ZFPM1: variants seen among roughly 807,000 people sequenced by gnomAD.
ZFPM1 encodes zinc finger protein ZFPM1.
A neutral mutation model predicts 46.3 loss-of-function variants in ZFPM1; 28 were observed. The ratio of observed to expected loss-of-function variants is 0.60; its 90% confidence interval spans 0.45 to 0.83. The LOEUF is 0.83. ZFPM1 is among the 40% of genes least tolerant of loss of function. ZFPM1 has a pLI of 0.00. For synonymous variants in ZFPM1, 957 were observed against 675.9 expected, an observed-to-expected ratio of 1.42 and a Z score of -6.45; for missense variants, 1,878 against 1,432.4, an observed-to-expected ratio of 1.31 and a Z score of -5.02.
At chr16:88,521,336 C>T (rs904767001) in intron 4 of ZFPM1, among the ~76,000 whole-genome samples, 2 of 151,814 alleles carry the variant, frequency 1.3e-5, no homozygotes, top group African/African-American at 4.8e-5. Context: ...TCAGGTTCTG[C>T]CATGGTGATG....
At chr16:88,532,551 T>A in intron 7 of ZFPM1, 63 bp from the exon 8 acceptor site, 1 of 1,507,906 alleles carries the variant, frequency 6.6e-7, no homozygotes, top group Admixed American at 2.0e-5. Flanking sequence ...GTCGCCTTCC[T>A]CATCCCTGGA....
chr16:88,478,335 C>G (rs1423566953), intron 1 of ZFPM1, among the ~76,000 whole-genome samples: 2 of 152,266 alleles, frequency 1.3e-5, no homozygotes, highest in East Asian at 1.9e-4. Context: ...AAGTGCTGAT[C>G]CCGAACTGAG....
At chr16:88,501,729 G>A (rs1001665400) in intron 3 of ZFPM1, among the ~76,000 whole-genome samples, 9 of 144,060 alleles carry the variant, frequency 6.2e-5, no homozygotes, top group Admixed American at 2.7e-4. Flanking sequence ...TGGAGGTAAC[G>A]GGTGTGGGTG....
At chr16:88,498,650 G>A (rs17773400) in intron 3 of ZFPM1, among the ~76,000 whole-genome samples, 20,975 of 152,208 alleles carry the variant, frequency 0.14, 1,810 homozygotes, top group South Asian at 0.29. Context: ...AACGAGGGGC[G>A]TCTGGAAACG....
intron 1 of ZFPM1, among the ~76,000 whole-genome samples, chr16:88,464,913 A>G (rs551618011): frequency 5.3e-5 from 8 of 152,236 alleles, no homozygotes; most frequent in Admixed American, 2.0e-4. Flanking sequence ...TCCGCTGCCT[A>G]TCTCGTCCAT....
intron 3 of ZFPM1, chr16:88,513,353 G>T (rs775927109): frequency 1.3e-5 from 2 of 152,290 alleles, no homozygotes; most frequent in Non-Finnish European, 2.9e-5. Context: ...GCCTCCCGGC[G>T]TATTTACATG....
At chr16:88,505,927 C>T (rs960178439) in intron 3 of ZFPM1, among the ~76,000 whole-genome samples, 2 of 152,216 alleles carry the variant, frequency 1.3e-5, no homozygotes, top group African/African-American at 2.4e-5. Context: ...GCACCCCCCG[C>T]ACCCCCAGCC....
chr16:88,485,878 C>T, intron 1 of ZFPM1, 61 bp from the exon 2 acceptor site: 1 of 1,533,410 alleles, frequency 6.5e-7, no homozygotes, highest in Non-Finnish European at 9.0e-7. Context: ...CAGGAGGGGT[C>T]AGGAGGCAGG....
chr16:88,525,717 C>G (rs1300435452), intron 4 of ZFPM1, among the ~76,000 whole-genome samples: 4 of 152,188 alleles, frequency 2.6e-5, no homozygotes, highest in African/African-American at 9.7e-5. Context: ...ACCATTTTCT[C>G]CCCTTGATGT....
rs543558510 is a variant in ZFPM1 at position 88,505,577 on chromosome 16, C to T, written c.269-8810C>T. On this transcript the variant is annotated intron_variant, in intron 3 of 9. Coordinates refer to ENST00000319555, the MANE Select transcript of ZFPM1 (RefSeq NM_153813.3). ...GGTGGGAGGGGCCGGCATCGCCCTC[C>T]GCACGACGGCTTCCTGGGGTCCTGG... is the stretch of plus-strand genomic sequence containing the variant. 3.9e-5 allele frequency among the ~76,000 whole-genome samples: 6 copies of T among 152,300 alleles called. No individual in the cohort carries two copies. In the East Asian group the frequency reaches 5.8e-4, roughly 15 times the overall value.
chr16:88,452,567 G>T (rs1037303162), upstream of ZFPM1, among the ~76,000 whole-genome samples: 1 of 152,246 alleles, frequency 6.6e-6, no homozygotes, highest in Non-Finnish European at 1.5e-5. Context: ...CCGCAGTCTG[G>T]GACGGAAGCC....
chr16:88,452,681 G>A (rs1907327644), upstream of ZFPM1, among the ~76,000 whole-genome samples: 1 of 152,278 alleles, frequency 6.6e-6, no homozygotes, highest in Non-Finnish European at 1.5e-5. Context: ...CCCCCACCGC[G>A]CACGTGGAGC....
intron 1 of ZFPM1, among the ~76,000 whole-genome samples, chr16:88,455,268 G>T (rs1907493014): frequency 1.3e-5 from 2 of 152,078 alleles, no homozygotes; most frequent in Non-Finnish European, 2.9e-5. Context: ...CAGCGCCAGC[G>T]AGAGCCCGTA....
In ZFPM1 at chr16:88,480,953, G is replaced by A. The variant is rs1908909196; in HGVS notation, c.41-4986G>A. On this transcript the variant is annotated intron_variant, in intron 1 of 9. Transcript: ENST00000319555. The surrounding 1 kb of genome is among the most constrained non-coding windows in gnomAD (Gnocchi z 4.9). ...GTGTGGGGACTTGGAAGGGAGCTGG[G>A]ATCATCCCGCTGCACAGAGCCAGCT... Among the ~76,000 whole-genome samples the A allele has an allele frequency of 6.6e-6, 1 of 152,242 alleles. No homozygotes were observed. Among genetic ancestry groups the A allele is most frequent in the African/African-American group, 2.4e-5 (1 of 41,456 alleles).
chr16:88,460,982 G>GGCGGGGCGGGAGACCTGGTGAGGACC (rs1567525490), intron 1 of ZFPM1, among the ~76,000 whole-genome samples: 1 of 55,660 alleles, frequency 1.8e-5, no homozygotes, highest in African/African-American at 9.2e-5. Flanking sequence ...AGGACCGAGG[G>GGCGGGGCGGGAGACCTGGTGAGGACC]GAGGGGCGGG....
chr16:88,460,953 C>CGAGGCCTGGTGAGGACCCAGGGAT (rs1907807697), intron 1 of ZFPM1, among the ~76,000 whole-genome samples: 1 of 11,684 alleles, frequency 8.6e-5, no homozygotes. Context: ...GACCGAGGGG[C>CGAGGCCTGGTGAGGACCCAGGGAT]GGGGCGGGAG....
rs1243687178 is a variant in ZFPM1 at position 88,520,753 on chromosome 16, GTGGGTGGATGGATGGATGAT to G, written c.403-6041_403-6022del. 1.2e-4 allele frequency among the ~76,000 whole-genome samples: 15 copies of G among 125,706 alleles called. No individual in the cohort carries two copies. In the East Asian group the frequency reaches 3.4e-3, roughly 29 times the overall value. 82.5% of individuals were successfully genotyped at this position (125,706 alleles called of 152,430 possible). A position where few individuals can be genotyped will look rare whatever the true frequency, so the allele number is the denominator to read the frequency against. ...GGTAGATGGATGGATGGATGGGAGGGTGGGTGGATGGATGGATGATTGGGTGGATGGATGGATGAATAGAT... is the reference window on the plus strand; with the variant it reads ...GGTAGATGGATGGATGGATGGGAGGGTGGGTGGATGGATGGATGAATAGAT... On this transcript the variant is annotated intron_variant, in intron 4 of 9. Transcript: ENST00000319555.
At chr16:88,494,217 G>A (rs959964879) in intron 3 of ZFPM1, among the ~76,000 whole-genome samples, 5 of 152,132 alleles carry the variant, frequency 3.3e-5, no homozygotes, top group African/African-American at 9.7e-5. Context: ...GCCGCCATCT[G>A]CAACCTGGAA....
chr16:88,534,374 C>G lies in ZFPM1; in HGVS notation c.2416C>G (p.Pro806Ala), dbSNP rs747731283. 8 of 1,446,602 alleles carry G rather than the reference C, an allele frequency of 5.5e-6. No homozygotes were observed. Among genetic ancestry groups the G allele is most frequent in the Middle Eastern group, 4.5e-4 (2 of 4,494 alleles). 89.6% of individuals were successfully genotyped at this position (1,446,602 alleles called of 1,614,324 possible). A position where few individuals can be genotyped will look rare whatever the true frequency, so the allele number is the denominator to read the frequency against. ...DLSKKPRRPL[P>A]GAPAPALADY... Reference sequence around the variant, plus strand: ...GAGCAAGAAGCCGCGGCGCCCGCTCCCCGGAGCCCCGGCACCGGCGCTGGC... The same window carrying G: ...GAGCAAGAAGCCGCGGCGCCCGCTCGCCGGAGCCCCGGCACCGGCGCTGGC... The change falls in exon 10 of 10, where the codon CCC becomes GCC. Residue 806 changes from proline (P) to alanine (A), a missense_variant. By Grantham distance (27) the Pro-to-Ala change is conservative (BLOSUM62 -1). Transcript: ENST00000319555.
Sources: gnomAD v4.1 joint callset for allele counts (sites outside exome capture counted in the v4.1 genomes callset) on GRCh38, gnomAD v4.1.1 for gene constraint, Gnocchi (gnomAD v3.1) non-coding constraint, MANE v1.5 for transcripts, NCBI Gene and HGNC (gene_info 2026-07-23, HGNC 2026-07-21) for gene names.